DNER: variants seen among roughly 807,000 people sequenced by gnomAD.
DNER encodes the protein delta/notch like EGF repeat containing.
DNER carries 33 observed loss-of-function variants against 78.2 expected under a neutral mutation model. That is an observed-to-expected ratio of 0.42 (90% CI 0.32 to 0.56). The LOEUF is 0.56. DNER is among the 20% of genes least tolerant of loss of function. The probability of loss-of-function intolerance (pLI) is 0.11; values close to 1 mark genes in which losing one functional copy is unlikely to be tolerated. For missense variants in DNER, 918 were observed against 975.3 expected (o/e 0.94, Z 0.78); for synonymous variants, 417 against 384.8 (o/e 1.08, Z -0.98).
At chr2:229,420,305 A>G (rs535789945) in intron 8 of DNER, among the ~76,000 whole-genome samples, 50 of 152,310 alleles carry the variant, frequency 3.3e-4, no homozygotes, top group African/African-American at 1.2e-3. Context: ...TCTTTCTTTT[A>G]ACAAGAGTTT....
chr2:229,375,247 G>A (rs1692571814), intron 11 of DNER, among the ~76,000 whole-genome samples: 1 of 152,106 alleles, frequency 6.6e-6, no homozygotes, highest in Non-Finnish European at 1.5e-5. Context: ...TAATAATTAA[G>A]GTAATCATTT....
intron 1 of DNER, among the ~76,000 whole-genome samples, chr2:229,700,303 T>TGTGTGA (rs1699724190): frequency 1.3e-5 from 2 of 149,618 alleles, no homozygotes; most frequent in Non-Finnish European, 3.0e-5. Flanking sequence ...TGTGTGTGTG[T>TGTGTGA]GTGTGTGTGT....
chr2:229,388,646 TAGCA>T (rs1245722538), intron 10 of DNER, among the ~76,000 whole-genome samples: 8 of 89,052 alleles, frequency 9.0e-5, no homozygotes, highest in African/African-American at 3.0e-4. Context: ...TATATATATA[TAGCA>T]CTGGTAAAAA....
At chr2:229,596,383 G>A (rs949020456) in intron 1 of DNER, among the ~76,000 whole-genome samples, 2 of 152,216 alleles carry the variant, frequency 1.3e-5, no homozygotes, top group Admixed American at 6.5e-5. Context: ...GCTTTAAAAG[G>A]AGTAAAAGCT....
chr2:229,532,856 C>T (rs1462242503), intron 5 of DNER, among the ~76,000 whole-genome samples: 1 of 152,210 alleles, frequency 6.6e-6, no homozygotes, highest in Non-Finnish European at 1.5e-5. Flanking sequence ...CCCCTGTGGG[C>T]TGCTGGCAGA....
chr2:229,696,367 G>C (rs1196452407), intron 1 of DNER, among the ~76,000 whole-genome samples: 2 of 152,236 alleles, frequency 1.3e-5, no homozygotes, highest in African/African-American at 2.4e-5. Flanking sequence ...AGGGGTGCCA[G>C]GTCCTAGGAG....
At chr2:229,489,842 G>A (rs1695360219) in intron 6 of DNER, among the ~76,000 whole-genome samples, 2 of 152,110 alleles carry the variant, frequency 1.3e-5, no homozygotes, top group African/African-American at 4.8e-5. Flanking sequence ...AGGAGCCCTC[G>A]AAATCAGTGA....
At chr2:229,428,662 A>T (rs1693935242) in intron 8 of DNER, among the ~76,000 whole-genome samples, 1 of 133,306 alleles carries the variant, frequency 7.5e-6, no homozygotes, top group African/African-American at 2.5e-5. Flanking sequence ...AGAAAAACGG[A>T]AGTGATTTGA....
chr2:229,688,766 T>C (rs1303361918), intron 1 of DNER, among the ~76,000 whole-genome samples: 1 of 152,082 alleles, frequency 6.6e-6, no homozygotes, highest in Non-Finnish European at 1.5e-5. Flanking sequence ...CCATCAACGA[T>C]AGACTGGATA....
At chr2:229,377,843 A>G (rs1340613690) in intron 11 of DNER, among the ~76,000 whole-genome samples, 1 of 152,228 alleles carries the variant, frequency 6.6e-6, no homozygotes, top group African/African-American at 2.4e-5. Context: ...CGAAAGGCAG[A>G]ATAAGGGTCT....
chr2:229,609,440 C>T (rs945193404), intron 1 of DNER, among the ~76,000 whole-genome samples: 5 of 152,030 alleles, frequency 3.3e-5, no homozygotes, highest in Admixed American at 2.6e-4. Flanking sequence ...TGTAAATGTT[C>T]GATAAGATTC....
intron 1 of DNER, among the ~76,000 whole-genome samples, chr2:229,606,500 T>A (rs1298913578): frequency 2.1e-5 from 3 of 145,812 alleles, no homozygotes; most frequent in African/African-American, 5.1e-5. Context: ...TAAAAAAAAA[T>A]AAAATTCCCA....
chr2:229,585,802 A>G, intron 4 of DNER, 56 bp downstream of exon 4: 3 of 1,604,350 alleles, frequency 1.9e-6, no homozygotes, highest in Non-Finnish European at 2.6e-6. Flanking sequence ...CTCAACACCA[A>G]ACCAAAGTTG....
intron 9 of DNER, among the ~76,000 whole-genome samples, chr2:229,417,694 A>G (rs909979185): frequency 2.0e-5 from 3 of 152,104 alleles, no homozygotes; most frequent in African/African-American, 7.2e-5. Context: ...TTGCTGATAC[A>G]TGGGACTCCG....
rs142498019 is a variant in DNER, at chr2:229,635,540, A to G, written c.277-43652T>C. On this transcript the variant is annotated intron_variant, in intron 1 of 12. Transcript: ENST00000341772. Reference sequence around the variant, plus strand: ...TGTCTTTATTCCTCACATGCAGGAAAGGCAACTGAAGGAGGGAAGAGGAGC... The same window carrying G: ...TGTCTTTATTCCTCACATGCAGGAAGGGCAACTGAAGGAGGGAAGAGGAGC... Among the ~76,000 whole-genome samples the G allele has an allele frequency of 1.1e-4, 17 of 152,278 alleles. No homozygotes were observed. In the East Asian group the frequency reaches 3.3e-3, roughly 29 times the overall value.
intron 5 of DNER, among the ~76,000 whole-genome samples, chr2:229,516,208 CCTGT>C (rs1282547291): frequency 2.0e-5 from 3 of 152,046 alleles, no homozygotes; most frequent in South Asian, 2.1e-4. Flanking sequence ...TAGATTACTC[CCTGT>C]CTATTTTCTA....
chr2:229,621,993 G>A lies in DNER; in HGVS notation c.277-30105C>T, dbSNP rs186149222. 7.4e-3 allele frequency among the ~76,000 whole-genome samples: 1,127 copies of A among 152,344 alleles called. 6 individuals are homozygous for A. The highest frequency in any genetic ancestry group is 0.012 in the Non-Finnish European group (848 of 68,028). On this transcript the variant is annotated intron_variant, in intron 1 of 12. Coordinates refer to ENST00000341772, the MANE Select transcript of DNER (RefSeq NM_139072.4). Reference sequence around the variant, plus strand: ...CCCAGCTACTCGGGAGGCTGAGGCAGGAGAATGGTGTGAACCCAGGAGGCG... The same window carrying A: ...CCCAGCTACTCGGGAGGCTGAGGCAAGAGAATGGTGTGAACCCAGGAGGCG...
chr2:229,474,862 T>A (rs1445488336), intron 7 of DNER, among the ~76,000 whole-genome samples: 2 of 152,174 alleles, frequency 1.3e-5, no homozygotes, highest in Non-Finnish European at 2.9e-5. Context: ...TGCCTCTCTC[T>A]TTTTCAAATT....
At chr2:229,700,711 G>A (rs1046613252) in intron 1 of DNER, among the ~76,000 whole-genome samples, 1 of 151,228 alleles carries the variant, frequency 6.6e-6, no homozygotes, top group Non-Finnish European at 1.5e-5. Context: ...TCAGGAGATC[G>A]AGACTATCCT....
Sources: gnomAD v4.1 joint callset for allele counts (sites outside exome capture counted in the v4.1 genomes callset) on GRCh38, gnomAD v4.1.1 for gene constraint, MANE v1.5 for transcripts, NCBI Gene and HGNC (gene_info 2026-07-23, HGNC 2026-07-21) for gene names.